Variants in PLEKHA5 observed in about 807,000 individuals in gnomAD.
PLEKHA5 encodes the protein pleckstrin homology domain-containing family A member 5.
Under a neutral mutation model 181.9 loss-of-function variants are expected in PLEKHA5, and 55 were observed. That is an observed-to-expected ratio of 0.30 (90% confidence interval 0.24 to 0.38). The LOEUF (loss-of-function observed/expected upper bound fraction) is 0.38. Among genes scored for constraint, PLEKHA5 ranks in the 10% least tolerant of loss-of-function variants. The pLI is 1.00. For missense variants in PLEKHA5, 1,432 were observed against 1,549.5 expected, an observed-to-expected ratio of 0.92 and a Z score of 1.27; for synonymous variants, 535 against 529.4, an observed-to-expected ratio of 1.01 and a Z score of -0.15.
In PLEKHA5 at chr12:19,140,432, C is replaced by T. The variant is rs1297289345; in HGVS notation, c.227+7982C>T. On this transcript the variant is annotated intron_variant, in intron 3 of 31. Transcript: ENST00000429027. ...GTCCTCATGAGGTACAGATGATAGA[C>T]ATTTCAGAGCCACTGGGGGAACATC... 2.0e-5 allele frequency among the ~76,000 whole-genome samples: 3 copies of T among 152,262 alleles called. No individual in the cohort carries two copies. The East Asian group carries it at 5.8e-4, about 29-fold the overall frequency.
At chr12:19,181,031 T>A (rs549228986) in intron 3 of PLEKHA5, among the ~76,000 whole-genome samples, 180 of 69,320 alleles carry the variant, frequency 2.6e-3, no homozygotes, top group Admixed American at 7.6e-3. Context: ...GGCAGATAGT[T>A]GAAATTGTAA....
intron 3 of PLEKHA5, chr12:19,201,148 A>T (rs990989631): frequency 2.6e-5 from 4 of 152,138 alleles, no homozygotes; most frequent in African/African-American, 9.6e-5. Context: ...TTTACAACTC[A>T]ATAATAACAA....
chr12:19,167,752 T>G (rs974291156), intron 3 of PLEKHA5, among the ~76,000 whole-genome samples: 2 of 152,082 alleles, frequency 1.3e-5, no homozygotes, highest in Non-Finnish European at 1.5e-5. Flanking sequence ...GTCATATAAA[T>G]AAACATAAAA....
chr12:19,166,453 CGGG>C (rs1555230663), intron 3 of PLEKHA5, among the ~76,000 whole-genome samples: 1 of 152,076 alleles, frequency 6.6e-6, no homozygotes, highest in Non-Finnish European at 1.5e-5. Flanking sequence ...TCTTTTCCTG[CGGG>C]TTTTTTGCGC....
chr12:19,303,347 C>A (rs1418097803), intron 15 of PLEKHA5: 1 of 152,164 alleles, frequency 6.6e-6, no homozygotes, highest in African/African-American at 2.4e-5. Context: ...CTACTCATCT[C>A]TTTTCCCCCT....
rs928199449 is a variant in PLEKHA5, at chr12:19,355,519, A to G, written c.3138+1517A>G. 2.0e-5 allele frequency among the ~76,000 whole-genome samples: 3 copies of G among 150,840 alleles called. No homozygotes were observed. The Admixed American group carries it at 2.0e-4, about 10-fold the overall frequency. On this transcript the variant is annotated intron_variant, in intron 26 of 31. Coordinates refer to ENST00000429027, the MANE Select transcript of PLEKHA5 (RefSeq NM_001256470.2). ...AGCACGTACCACCATACTCGGCTAA[A>G]TTTTTTTTTCTTTTTTATTAGTAGT...
chr12:19,280,757 G>A (rs1014751751), intron 11 of PLEKHA5, among the ~76,000 whole-genome samples: 2 of 149,714 alleles, frequency 1.3e-5, no homozygotes, highest in African/African-American at 2.5e-5. Flanking sequence ...TTGAGACAGA[G>A]TGTCTGTCAC....
chr12:19,205,897 A>G (rs979811473), intron 3 of PLEKHA5, among the ~76,000 whole-genome samples: 16 of 152,246 alleles, frequency 1.1e-4, no homozygotes, highest in Non-Finnish European at 1.9e-4. Context: ...AAAGAAAATG[A>G]TAGGGTATAT....
intron 26 of PLEKHA5, among the ~76,000 whole-genome samples, chr12:19,357,339 G>A (rs1399261953): frequency 6.6e-6 from 1 of 151,512 alleles, no homozygotes; most frequent in Non-Finnish European, 1.5e-5. Flanking sequence ...CTGCCTCCTG[G>A]GTTCAAGCAA....
At position 19,196,801 on chromosome 12, in the gene PLEKHA5, CT is replaced by C. The variant is rs769847463; in HGVS notation, c.228-57129del. Among the ~76,000 whole-genome samples the C allele has an allele frequency of 1.3e-4, 14 of 109,112 alleles. No individual in the cohort carries two copies. The East Asian group carries it at 1.3e-3, about 10-fold the overall frequency. 71.6% of individuals were successfully genotyped at this position (109,112 alleles called of 152,430 possible). A position where few individuals can be genotyped will look rare whatever the true frequency, so the allele number is the denominator to read the frequency against. ...CTTATGAGTTTTTAACTTGTTTTTT[CT>C]TTTTTTTTTCTTTTTTTTTTTTTTT... On this transcript the variant is annotated intron_variant, in intron 3 of 31. Transcript: ENST00000429027.
chr12:19,130,514 G>GC lies in PLEKHA5; in HGVS notation c.169+390dup, dbSNP rs2033317582. On this transcript the variant is annotated intron_variant, in intron 2 of 31. Transcript: ENST00000429027. This position sits in a 1 kb window ranked among gnomAD's most constrained non-coding sequence, Gnocchi z 4.5. ...CCCGGTGACCCCCAGCTGCCGTCTT[G>GC]CCCCCCAGCAATCTTCAGGCAGTCC... Among the ~76,000 whole-genome samples the GC allele has an allele frequency of 2.0e-5, 3 of 151,200 alleles. No individual in the cohort carries two copies. Among genetic ancestry groups the GC allele is most frequent in the Non-Finnish European group, 4.4e-5 (3 of 67,784 alleles).
At chr12:19,319,426 T>C (rs763591090) in intron 16 of PLEKHA5, among the ~76,000 whole-genome samples, 2 of 152,228 alleles carry the variant, frequency 1.3e-5, no homozygotes, top group Non-Finnish European at 2.9e-5. Context: ...TTATCTCCTG[T>C]TTAAATGATG....
At chr12:19,280,036 GTTTTTTTTTTTT>G (rs869050795) in intron 11 of PLEKHA5, among the ~76,000 whole-genome samples, 8 of 54,504 alleles carry the variant, frequency 1.5e-4, no homozygotes, top group South Asian at 2.2e-3. Context: ...AATGAAACCT[GTTTTTTTTTTTT>G]TTTTTTTTTT....
chr12:19,153,961 A>G (rs535663278), intron 3 of PLEKHA5: 1 of 152,268 alleles, frequency 6.6e-6, no homozygotes, highest in East Asian at 1.9e-4. Flanking sequence ...AGAAAGGGAT[A>G]TTATAGTTTT....
chr12:19,269,694 A>G, intron 8 of PLEKHA5, 76 bp from the exon 9 acceptor site: 1 of 665,920 alleles, frequency 1.5e-6, no homozygotes, highest in Non-Finnish European at 2.6e-6. Context: ...TATGTCAGGA[A>G]TCACTTACCT....
chr12:19,369,334 C>CA (rs34563287), intron 30 of PLEKHA5, among the ~76,000 whole-genome samples: 98,956 of 139,158 alleles, frequency 0.71, 34,755 homozygotes, highest in Non-Finnish European at 0.82. Flanking sequence ...CACGCCCAGC[C>CA]AAAAAAAAAA....
intron 15 of PLEKHA5, chr12:19,306,725 C>G (rs2083866447): frequency 1.5e-6 from 2 of 1,316,068 alleles, no homozygotes; most frequent in Non-Finnish European, 1.1e-6. Context: ...ATCGACGAAC[C>G]ACACCTCTTC....
intron 3 of PLEKHA5, among the ~76,000 whole-genome samples, chr12:19,189,011 C>T (rs1174017654): frequency 1.3e-5 from 2 of 152,170 alleles, no homozygotes; most frequent in African/African-American, 4.8e-5. Context: ...CAAAGATAGA[C>T]ATTAGTCAAG....
At chr12:19,142,431 T>C (rs555455615) in intron 3 of PLEKHA5, among the ~76,000 whole-genome samples, 1 of 152,126 alleles carries the variant, frequency 6.6e-6, no homozygotes, top group South Asian at 2.1e-4. Context: ...TAGGACATGA[T>C]GACAAAATTT....
Sources: allele counts gnomAD v4.1 joint callset (sites outside exome capture counted in the v4.1 genomes callset), GRCh38; gene constraint gnomAD v4.1.1; non-coding constraint Gnocchi (gnomAD v3.1); transcripts MANE v1.5; gene names NCBI Gene and HGNC (gene_info 2026-07-23, HGNC 2026-07-21).